Variants in EVA1C observed in about 807,000 individuals in gnomAD.
EVA1C encodes eva-1 homolog C, also known as protein eva-1 homolog C.
Under a neutral mutation model 45.4 loss-of-function variants are expected in EVA1C, and 25 were observed. The ratio of observed to expected loss-of-function variants is 0.55; its 90% CI spans 0.40 to 0.77. The LOEUF is 0.77. Ranked by LOEUF, EVA1C falls within the 30% of genes least tolerant of loss-of-function variation. EVA1C has a pLI of 0.00. For missense variants in EVA1C, 479 were observed against 554.8 expected, an observed-to-expected ratio of 0.86 and a Z score of 1.37; for synonymous variants, 190 against 221.2, an observed-to-expected ratio of 0.86 and a Z score of 1.25.
intron 1 of EVA1C, among the ~76,000 whole-genome samples, chr21:32,449,000 G>A (rs1292651574): frequency 1.3e-5 from 2 of 150,282 alleles, no homozygotes; most frequent in Non-Finnish European, 3.0e-5. Context: ...AGAAAGAAAG[G>A]AGGGAGGGTG....
chr21:32,456,050 G>A (rs752915166), intron 2 of EVA1C, among the ~76,000 whole-genome samples: 18 of 152,170 alleles, frequency 1.2e-4, no homozygotes, highest in African/African-American at 3.6e-4. Flanking sequence ...CCACCACCAC[G>A]CCTGCTAATT....
intron 4 of EVA1C, among the ~76,000 whole-genome samples, chr21:32,481,896 T>C (rs2154420): frequency 0.38 from 57,998 of 152,084 alleles, 11,310 homozygotes; most frequent in East Asian, 0.5. Context: ...CATACCACGC[T>C]GTACCATAGA....
intron 4 of EVA1C, chr21:32,473,823 C>A (rs2036465671): frequency 2.8e-6 from 2 of 716,496 alleles, no homozygotes; most frequent in Non-Finnish European, 3.4e-6. Flanking sequence ...TAGCACTGTC[C>A]TGAACGGTGA....
chr21:32,466,287 C>T (rs1396022731), intron 3 of EVA1C, among the ~76,000 whole-genome samples: 3 of 151,914 alleles, frequency 2.0e-5, no homozygotes, highest in Non-Finnish European at 4.4e-5. Context: ...GATGTGGTGG[C>T]GGGTGCCTGT....
At chr21:32,510,197 C>A (rs556604252) in intron 7 of EVA1C, among the ~76,000 whole-genome samples, 13 of 151,690 alleles carry the variant, frequency 8.6e-5, no homozygotes, top group Non-Finnish European at 1.5e-4. Context: ...TACAGGCGCA[C>A]GCCACCACCC....
intron 7 of EVA1C, among the ~76,000 whole-genome samples, chr21:32,511,439 AAAG>A (rs1453942170): frequency 1.6e-4 from 24 of 145,702 alleles, no homozygotes; most frequent in South Asian, 6.4e-4. Flanking sequence ...AAAAAAAAAA[AAAG>A]AAAGAAAGAA....
chr21:32,510,746 A>T lies in EVA1C; in HGVS notation c.950-4068A>T, dbSNP rs376146701. Among the ~76,000 whole-genome samples, 147 of 152,326 alleles carry T rather than the reference A, an allele frequency of 9.7e-4. 2 individuals are homozygous for T. The highest frequency in any genetic ancestry group is 3.4e-3 in the Middle Eastern group (1 of 294). On this transcript the variant is annotated intron_variant, in intron 7 of 7. Transcript: ENST00000300255. ...GAAAGTACAAGGCACTTACCAGGAG[A>T]TATTCACACCAGATGCCATGGCTCA...
Position 32,423,116 on chromosome 21 carries a change from A to T in EVA1C, c.160+10103A>T, listed in dbSNP as rs537260424. Among the ~76,000 whole-genome samples, 3 of 149,550 alleles carry T rather than the reference A, an allele frequency of 2.0e-5. No homozygotes were observed. In the East Asian group the frequency reaches 5.9e-4, roughly 29 times the overall value. Reference sequence around the variant, plus strand: ...AAAAAATGGTGGACAAAGAAATGGTACAACTTTGAATGCACTTTATCCACA... The same window carrying T: ...AAAAAATGGTGGACAAAGAAATGGTTCAACTTTGAATGCACTTTATCCACA... On this transcript the variant is annotated intron_variant, in intron 1 of 7. Coordinates refer to ENST00000300255, the MANE Select transcript of EVA1C (RefSeq NM_058187.5).
intron 1 of EVA1C, among the ~76,000 whole-genome samples, chr21:32,432,457 G>A (rs8130206): frequency 0.024 from 3,693 of 152,144 alleles, 134 homozygotes; most frequent in African/African-American, 0.081. Context: ...AAAGGGGGCA[G>A]GTCCAGGGAA....
chr21:32,460,746 A>G (rs2035966594), intron 3 of EVA1C, among the ~76,000 whole-genome samples: 1 of 146,196 alleles, frequency 6.8e-6, no homozygotes, highest in South Asian at 2.2e-4. Context: ...CAAGCAGCTC[A>G]CAGAAGAATC....
rs1363976882 is a variant in EVA1C, at chr21:32,428,937, G to C, written c.160+15924G>C. ...GAATTACAGAAGCCTGAGAACCACA[G>C]GGGAATTCTCACTGCAGGGCATTCA... On this transcript the variant is annotated intron_variant, in intron 1 of 7. Coordinates refer to ENST00000300255, the MANE Select transcript of EVA1C (RefSeq NM_058187.5). 6.6e-5 allele frequency among the ~76,000 whole-genome samples: 10 copies of C among 152,118 alleles called. No individual in the cohort carries two copies. In the South Asian group the frequency reaches 2.1e-3, roughly 32 times the overall value.
At chr21:32,501,644 T>G (rs537652588) in intron 6 of EVA1C, 149 bp downstream of exon 6, 5 of 888,890 alleles carry the variant, frequency 5.6e-6, no homozygotes, top group Non-Finnish European at 6.4e-6. Flanking sequence ...TAGCGCTTAT[T>G]ATCGGCCAAT....
Position 32,515,293 on chromosome 21 carries a change from T to C in EVA1C, c.*103T>C. 6 of 1,290,586 alleles carry C rather than the reference T, an allele frequency of 4.6e-6. No homozygotes were observed. The highest frequency in any genetic ancestry group is 6.4e-6 in the Non-Finnish European group (6 of 940,132). 79.9% of individuals were successfully genotyped at this position (1,290,586 alleles called of 1,614,324 possible). A position where few individuals can be genotyped will look rare whatever the true frequency, so the allele number is the denominator to read the frequency against. Reference sequence around the variant, plus strand: ...TGTACCTTCTATGAAGGAGAATTCGTCATGTCATTCAACACTCGTGAGGCC... The same window carrying C: ...TGTACCTTCTATGAAGGAGAATTCGCCATGTCATTCAACACTCGTGAGGCC... On this transcript the variant is annotated 3_prime_UTR_variant, in exon 8 of 8. Coordinates refer to ENST00000300255, the MANE Select transcript of EVA1C (RefSeq NM_058187.5).
rs191734199 is a variant in EVA1C, at chr21:32,462,828, T to G, written c.482-4868T>G. Among the ~76,000 whole-genome samples, 265 of 152,352 alleles carry G rather than the reference T, an allele frequency of 1.7e-3. 2 individuals carry two copies. The highest frequency in any genetic ancestry group is 5.0e-3 in the South Asian group (24 of 4,832). On this transcript the variant is annotated intron_variant, in intron 3 of 7. Coordinates refer to ENST00000300255, the MANE Select transcript of EVA1C (RefSeq NM_058187.5). ...CATCCCTCTGCTTCGGCCCATCCCT[T>G]TATTTCCCATAAGGAATAGTTTTAG...
chr21:32,481,935 A>G (rs1184516783), intron 4 of EVA1C, among the ~76,000 whole-genome samples: 2 of 152,212 alleles, frequency 1.3e-5, no homozygotes, highest in Admixed American at 1.3e-4. Context: ...GGGAGCAAAG[A>G]GAGCATGTAA....
chr21:32,412,824 C>T lies in EVA1C; in HGVS notation c.-30C>T, dbSNP rs983411018. 5 of 1,378,468 alleles carry T rather than the reference C, an allele frequency of 3.6e-6. No individual in the cohort carries two copies. The highest frequency in any genetic ancestry group is 2.8e-6 in the Non-Finnish European group (3 of 1,074,630). The allele number at this position is 1,378,468 out of a possible 1,614,324, so 85.4% of individuals were successfully genotyped here. ...CTGCGACCCCCAGCGCGTCCCGGGC[C>T]TGCGCCTCCGCCCCGCCGCGCAGCG... is the stretch of plus-strand genomic sequence containing the variant. On this transcript the variant is annotated 5_prime_UTR_variant, in exon 1 of 8. Coordinates refer to ENST00000300255, the MANE Select transcript of EVA1C (RefSeq NM_058187.5).
At chr21:32,486,618 T>C (rs2036980738) in intron 4 of EVA1C, among the ~76,000 whole-genome samples, 1 of 152,250 alleles carries the variant, frequency 6.6e-6, no homozygotes. Context: ...AATCCTAAAA[T>C]TTCTGGAAGA....
At chr21:32,456,991 C>T (rs905516992) in intron 2 of EVA1C, among the ~76,000 whole-genome samples, 8 of 152,202 alleles carry the variant, frequency 5.3e-5, no homozygotes, top group Admixed American at 2.0e-4. Context: ...ACTAAGAAAA[C>T]TGCTCCCCGA....
At chr21:32,504,889 G>C (rs2037674509) in intron 7 of EVA1C, among the ~76,000 whole-genome samples, 1 of 151,806 alleles carries the variant, frequency 6.6e-6, no homozygotes, top group Non-Finnish European at 1.5e-5. Context: ...AGGTTTAATG[G>C]ACTCACAGTT....
Sources: allele counts gnomAD v4.1 joint callset (sites outside exome capture counted in the v4.1 genomes callset), GRCh38; gene constraint gnomAD v4.1.1; transcripts MANE v1.5; gene names NCBI Gene and HGNC (gene_info 2026-07-23, HGNC 2026-07-21).